Variants in GARNL3 observed in about 807,000 individuals in gnomAD.
GARNL3 encodes the protein GTPase-activating Rap/Ran-GAP domain-like protein 3.
A neutral mutation model predicts 125.0 loss-of-function variants in GARNL3; 63 were observed. The ratio of observed to expected loss-of-function variants is 0.50; its 90% CI spans 0.41 to 0.62. GARNL3 has a LOEUF of 0.62. GARNL3 is among the 20% of genes least tolerant of loss of function. The pLI is 0.00. For missense variants in GARNL3, 994 were observed against 1,244.0 expected (o/e 0.80, Z 3.02); for synonymous variants, 439 against 457.5 (o/e 0.96, Z 0.52).
intron 24 of GARNL3, among the ~76,000 whole-genome samples, chr9:127,386,423 G>A (rs1394584610): frequency 6.6e-6 from 1 of 152,206 alleles, no homozygotes; most frequent in African/African-American, 2.4e-5. Flanking sequence ...ATTCCATGGT[G>A]TAAAGAGTCC....
chr9:127,360,300 G>A (rs1830920721), intron 21 of GARNL3, among the ~76,000 whole-genome samples: 1 of 152,068 alleles, frequency 6.6e-6, no homozygotes, highest in South Asian at 2.1e-4. Context: ...AGGATTACAG[G>A]TGTGAGCCAC....
At chr9:127,344,065 A>G (rs1405192177) in intron 14 of GARNL3, among the ~76,000 whole-genome samples, 170 bp from the exon 15 acceptor site, 1 of 152,188 alleles carries the variant, frequency 6.6e-6, no homozygotes, top group Non-Finnish European at 1.5e-5. Context: ...TGAATCTAGT[A>G]TCTACCATGG....
intron 8 of GARNL3, 104 bp from the exon 9 acceptor site, chr9:127,332,919 G>C: frequency 1.2e-6 from 1 of 801,006 alleles, no homozygotes; most frequent in South Asian, 1.4e-5. Context: ...TACCATGCAT[G>C]AATCGGCAGA....
At chr9:127,284,353 CTCTT>C (rs1444469452) in intron 1 of GARNL3, among the ~76,000 whole-genome samples, 3 of 151,978 alleles carry the variant, frequency 2.0e-5, no homozygotes, top group Non-Finnish European at 2.9e-5. Flanking sequence ...TTTTAGAAAT[CTCTT>C]TCTTCTTAGT....
At chr9:127,359,958 C>G (rs75692215) in intron 21 of GARNL3, among the ~76,000 whole-genome samples, 5,373 of 152,144 alleles carry the variant, frequency 0.035, 307 homozygotes, top group African/African-American at 0.12. Context: ...TTTCTGTCCT[C>G]TCTTCTATGT....
intron 4 of GARNL3, among the ~76,000 whole-genome samples, chr9:127,317,292 T>C (rs767363200): frequency 2.6e-5 from 4 of 152,216 alleles, no homozygotes; most frequent in Non-Finnish European, 4.4e-5. Context: ...AAGTGTGCAT[T>C]ATGAAAATGT....
In GARNL3 at chr9:127,383,494, C is replaced by A. The variant is rs1832380276; in HGVS notation, c.2218C>A (p.Pro740Thr). Residue 740 changes from proline (P) to threonine (T), a missense_variant, in exon 23 of 28, where the codon CCT (proline) becomes ACT (threonine). Coordinates refer to ENST00000373387, the MANE Select transcript of GARNL3 (RefSeq NM_032293.5). ...PFNGGSFLVQ[P>T]SASDFQFCWN... ...TAATGGTGGCTCTTTTTTGGTTCAA[C>A]CTTCTGCGTCAGATTTCCAGTTCTG... 1.2e-6 allele frequency: 2 copies of A among 1,613,512 alleles called. No homozygotes were observed. The highest frequency in any genetic ancestry group is 1.7e-6 in the Non-Finnish European group (2 of 1,179,750).
At chr9:127,389,304 G>A (rs570001314) in intron 26 of GARNL3, among the ~76,000 whole-genome samples, 185 bp downstream of exon 26, 6 of 152,330 alleles carry the variant, frequency 3.9e-5, no homozygotes, top group Admixed American at 3.9e-4. Context: ...CAACAGTGAT[G>A]TTGTTGATCT....
chr9:127,348,590 C>T (rs1353550545), intron 16 of GARNL3, among the ~76,000 whole-genome samples: 1 of 152,170 alleles, frequency 6.6e-6, no homozygotes, highest in Admixed American at 6.5e-5. Flanking sequence ...AACAGAGGCA[C>T]CATTTGGCCC....
upstream of GARNL3, among the ~76,000 whole-genome samples, chr9:127,259,784 C>G (rs1209531102): frequency 6.6e-6 from 1 of 152,064 alleles, no homozygotes; most frequent in African/African-American, 2.4e-5. Flanking sequence ...TACCTGTAAT[C>G]CCAGCACTTT....
In GARNL3 at chr9:127,271,327, G is replaced by C. The variant is rs182024058; in HGVS notation, c.144+6306G>C. Reference sequence around the variant, plus strand: ...TTTGCCACTGTATCTCTAGAACCAAGCACAATGCTTAGCATTAGTTACTTA... The same window carrying C: ...TTTGCCACTGTATCTCTAGAACCAACCACAATGCTTAGCATTAGTTACTTA... On this transcript the variant is annotated intron_variant, in intron 1 of 27. Coordinates refer to ENST00000373387, the MANE Select transcript of GARNL3 (RefSeq NM_032293.5). 1.1e-4 allele frequency among the ~76,000 whole-genome samples: 16 copies of C among 150,328 alleles called. 1 individual carries two copies. Among genetic ancestry groups the C allele is most frequent in the African/African-American group, 3.3e-4 (13 of 39,678 alleles).
rs71308298 is a variant in GARNL3 at position 127,231,050 on chromosome 9, A to ATTTTT, written c.-29+6730_-29+6734dup. ...TGTATATATACATATATATATATAT[A>ATTTTT]TTTTTTTTTTTTTTTTTTTTTTGAG... On this transcript the variant is annotated intron_variant, in intron 1 of 10. Transcript: ENST00000439286. Among the ~76,000 whole-genome samples the ATTTTT allele has an allele frequency of 6.6e-4, 59 of 89,550 alleles. 5 individuals carry two copies. Among genetic ancestry groups the ATTTTT allele is most frequent in the African/African-American group, 4.4e-3 (55 of 12,596 alleles). The allele number at this position is 89,550 out of a possible 152,430, so 58.7% of individuals were successfully genotyped here.
At chr9:127,389,220 G>C in intron 26 of GARNL3, 101 bp downstream of exon 26, 4 of 854,734 alleles carry the variant, frequency 4.7e-6, no homozygotes, top group East Asian at 2.6e-5. Flanking sequence ...TAAAAGGAAA[G>C]TTTCCTTTTA....
At chr9:127,372,880 T>G (rs1266123139) in intron 22 of GARNL3, among the ~76,000 whole-genome samples, 5 of 152,238 alleles carry the variant, frequency 3.3e-5, no homozygotes, top group Non-Finnish European at 7.3e-5. Context: ...TGTGGAAGCT[T>G]GGAGTCAGGG....
At chr9:127,287,808 G>A (rs948779352) in intron 1 of GARNL3, among the ~76,000 whole-genome samples, 1 of 152,230 alleles carries the variant, frequency 6.6e-6, no homozygotes, top group Non-Finnish European at 1.5e-5. Flanking sequence ...GGTGCTTCCG[G>A]TTATCTGGCC....
intron 6 of GARNL3, among the ~76,000 whole-genome samples, chr9:127,321,945 A>G (rs762364583): frequency 4.6e-5 from 7 of 152,222 alleles, no homozygotes; most frequent in Non-Finnish European, 1.5e-5. Context: ...AGCTTTTAAA[A>G]TAAGGTTATC....
intron 17 of GARNL3, among the ~76,000 whole-genome samples, chr9:127,349,874 A>T (rs1349491978): frequency 2.6e-5 from 4 of 152,204 alleles, no homozygotes; most frequent in African/African-American, 9.7e-5. Flanking sequence ...ACATTTTGTG[A>T]GAATCCCAAA....
intron 1 of GARNL3, among the ~76,000 whole-genome samples, chr9:127,272,721 C>T (rs931831961): frequency 6.6e-6 from 1 of 152,202 alleles, no homozygotes; most frequent in Admixed American, 6.5e-5. Context: ...TCGTGATCCA[C>T]CTGCCTCAGC....
intron 27 of GARNL3, among the ~76,000 whole-genome samples, chr9:127,391,199 C>T (rs1832811887): frequency 6.6e-6 from 1 of 151,654 alleles, no homozygotes; most frequent in African/African-American, 2.4e-5. Context: ...GCAGAAGAAT[C>T]GCTTGAACAT....
Sources: gnomAD v4.1 joint callset for allele counts (sites outside exome capture counted in the v4.1 genomes callset) on GRCh38, gnomAD v4.1.1 for gene constraint, MANE v1.5 for transcripts, NCBI Gene and HGNC (gene_info 2026-07-23, HGNC 2026-07-21) for gene names.